The following DGKB variants were observed in gnomAD, a reference collection of about 807,000 sequenced individuals.
The protein encoded by DGKB is diacylglycerol kinase beta.
Under a neutral mutation model 114.3 loss-of-function variants are expected in DGKB, and 67 were observed. The observed-to-expected ratio is 0.59, with a 90% CI of 0.48 to 0.72. The LOEUF (loss-of-function observed/expected upper bound fraction) is 0.72. Among genes scored for constraint, DGKB ranks in the 30% least tolerant of loss-of-function variants. The probability of loss-of-function intolerance (pLI) is 0.00; values close to 1 mark genes in which losing one functional copy is unlikely to be tolerated. For synonymous variants in DGKB, 398 were observed against 323.1 expected, an observed-to-expected ratio of 1.23 and a Z score of -2.49; for missense variants, 907 against 975.2, an observed-to-expected ratio of 0.93 and a Z score of 0.93.
chr7:14,851,600 G>C (rs188684389), intron 1 of DGKB, among the ~76,000 whole-genome samples: 172 of 152,266 alleles, frequency 1.1e-3, no homozygotes, highest in African/African-American at 4.0e-3. Context: ...TCAGCAGGTG[G>C]TGTCTATGGC....
intron 21 of DGKB, among the ~76,000 whole-genome samples, chr7:14,429,389 C>T (rs1365058534): frequency 6.6e-6 from 1 of 152,080 alleles, no homozygotes. Context: ...GGGTCCTCAC[C>T]AGAACCAAAT....
chr7:14,769,002 A>G (rs1836876178), intron 2 of DGKB, among the ~76,000 whole-genome samples: 1 of 151,608 alleles, frequency 6.6e-6, no homozygotes, highest in Admixed American at 6.6e-5. Flanking sequence ...GATGTATCTT[A>G]GCCGTATTTC....
chr7:14,640,777 G>T (rs1253862520), intron 13 of DGKB, among the ~76,000 whole-genome samples: 4 of 152,144 alleles, frequency 2.6e-5, no homozygotes, highest in African/African-American at 9.7e-5. Flanking sequence ...TAGTAAAACA[G>T]AGAAAGTCAT....
At chr7:14,650,602 C>G (rs1814226369) in intron 13 of DGKB, among the ~76,000 whole-genome samples, 1 of 85,698 alleles carries the variant, frequency 1.2e-5, no homozygotes, top group Non-Finnish European at 2.3e-5. Flanking sequence ...AAAGCAAGAG[C>G]AAACACATTC....
intron 5 of DGKB, among the ~76,000 whole-genome samples, chr7:14,732,807 C>T (rs1420884075): frequency 6.6e-6 from 1 of 152,036 alleles, no homozygotes; most frequent in Non-Finnish European, 1.5e-5. Context: ...ATAAATCTGG[C>T]ATCTTCTATT....
At chr7:14,689,199 A>ATTTTTTTTATTTTT in intron 9 of DGKB, among the ~76,000 whole-genome samples, 1 of 76,572 alleles carries the variant, frequency 1.3e-5, no homozygotes, top group Admixed American at 1.9e-4. Flanking sequence ...AACTCCTCTT[A>ATTTTTTTTATTTTT]TTTTTTTTTT....
At chr7:14,593,080 C>A (rs550145418) in intron 17 of DGKB, among the ~76,000 whole-genome samples, 1 of 151,964 alleles carries the variant, frequency 6.6e-6, no homozygotes, top group South Asian at 2.1e-4. Context: ...ACCATAATAA[C>A]CAGAAATAAG....
intron 2 of DGKB, among the ~76,000 whole-genome samples, chr7:14,768,306 T>C (rs1428287737): frequency 6.6e-6 from 1 of 151,938 alleles, no homozygotes; most frequent in Admixed American, 6.6e-5. Context: ...TAAATGTAGT[T>C]GAAGAATTTG....
chr7:14,597,591 C>T (rs1585031103), intron 17 of DGKB, among the ~76,000 whole-genome samples: 1 of 152,040 alleles, frequency 6.6e-6, no homozygotes, highest in South Asian at 2.1e-4. Context: ...ATGCTGATAA[C>T]CTCTATATTA....
chr7:14,534,386 G>A (rs1166996182), intron 20 of DGKB, among the ~76,000 whole-genome samples: 2 of 151,908 alleles, frequency 1.3e-5, no homozygotes, highest in East Asian at 1.9e-4. Context: ...AGAAGAGGAG[G>A]GGAACAATAT....
chr7:14,190,394 TA>T (rs1329363489), intron 23 of DGKB, among the ~76,000 whole-genome samples: 1 of 151,984 alleles, frequency 6.6e-6, no homozygotes, highest in Non-Finnish European at 1.5e-5. Context: ...AAACCAGTAC[TA>T]AAAGGGAAAT....
At chr7:14,461,462 A>G (rs1833068472) in intron 21 of DGKB, among the ~76,000 whole-genome samples, 1 of 152,198 alleles carries the variant, frequency 6.6e-6, no homozygotes. Context: ...ACCATCAGAG[A>G]ATACTATAAA....
intron 1 of DGKB, among the ~76,000 whole-genome samples, chr7:14,852,497 A>AAAAAAAAAAAAAAAAC (rs57418853): frequency 7.2e-6 from 1 of 138,390 alleles, no homozygotes; most frequent in African/African-American, 2.7e-5. Context: ...CAAAAAAAAA[A>AAAAAAAAAAAAAAAAC]CAGAAATCAA....
intron 17 of DGKB, among the ~76,000 whole-genome samples, chr7:14,604,870 T>C (rs945629250): frequency 6.6e-6 from 1 of 152,122 alleles, no homozygotes; most frequent in Non-Finnish European, 1.5e-5. Context: ...AGACTAGCTC[T>C]CTAACAGAAG....
rs1432800971 is a variant in DGKB at position 14,574,292 on chromosome 7, C to G, written c.1690G>C (p.Glu564Gln). The change falls in exon 20 of 26, where the codon GAA becomes CAA. Residue 564 changes from glutamate (E) to glutamine (Q), a missense_variant. By Grantham distance (29) the Glu-to-Gln change is conservative. This residue lies in a region of DGKB where 814 missense variants were observed against 856.6 expected (regional missense o/e 0.95). Coordinates refer to ENST00000402815, the MANE Select transcript of DGKB (RefSeq NM_001350709.2). ...TCATCTTTGTCATTAGGTATGACTTCAAACTTCCACCTGTCCAACATGATT... is the reference window on the plus strand; with the variant it reads ...TCATCTTTGTCATTAGGTATGACTTGAAACTTCCACCTGTCCAACATGATT... ...TEIMLDRWKF[E>Q]VIPNDKDEKG... The G allele has an allele frequency of 1.2e-6, 2 of 1,613,068 alleles. No homozygotes were observed. Among genetic ancestry groups the G allele is most frequent in the Admixed American group, 1.7e-5 (1 of 59,992 alleles).
At chr7:14,838,196 C>T (rs1164963494) in intron 2 of DGKB, among the ~76,000 whole-genome samples, 1 of 152,100 alleles carries the variant, frequency 6.6e-6, no homozygotes, top group Admixed American at 6.5e-5. Context: ...CCTCCATATT[C>T]ATTAGCCAAT....
intron 2 of DGKB, among the ~76,000 whole-genome samples, chr7:14,787,715 T>C (rs79954887): frequency 0.055 from 8,405 of 152,298 alleles, 726 homozygotes; most frequent in African/African-American, 0.19. Flanking sequence ...AGGCAAGTGA[T>C]TGAGAGGCCT....
At chr7:14,464,290 G>C (rs1315245784) in intron 21 of DGKB, among the ~76,000 whole-genome samples, 1 of 152,070 alleles carries the variant, frequency 6.6e-6, no homozygotes. Flanking sequence ...ATGAATCACA[G>C]TACATGAAAC....
At chr7:14,658,740 T>C (rs914434731) in intron 13 of DGKB, among the ~76,000 whole-genome samples, 1 of 151,880 alleles carries the variant, frequency 6.6e-6, no homozygotes, top group Non-Finnish European at 1.5e-5. Context: ...TATTTATAAT[T>C]TTAATAAATA....
Sources: allele counts gnomAD v4.1 joint callset (sites outside exome capture counted in the v4.1 genomes callset), GRCh38; gene constraint gnomAD v4.1.1; regional missense constraint gnomAD v4.1.1; transcripts MANE v1.5; gene names NCBI Gene and HGNC (gene_info 2026-07-23, HGNC 2026-07-21).